The following ZNF69 variants were observed in gnomAD, a reference collection of about 807,000 sequenced individuals.
The protein encoded by ZNF69 is zinc finger protein 69, also known as ZNF3.
ZNF69 carries 47 observed loss-of-function variants against 50.9 expected under a neutral mutation model. The observed-to-expected ratio is 0.92, with a 90% CI of 0.73 to 1.18. The LOEUF (loss-of-function observed/expected upper bound fraction) is 1.18. Among genes scored for constraint, ZNF69 ranks in the 50% most tolerant of loss-of-function variants. The pLI is 0.00. For missense variants in ZNF69, 717 were observed against 675.1 expected (o/e 1.06, Z -0.69); for synonymous variants, 216 against 223.1 (o/e 0.97, Z 0.29).
downstream of ZNF69, among the ~76,000 whole-genome samples, chr19:11,917,043 G>C (rs1599269639): frequency 3.9e-5 from 6 of 152,200 alleles, 1 homozygote; most frequent in Admixed American, 3.9e-4. Flanking sequence ...CTTGAGTAAG[G>C]TGTTGTACAG....
At chr19:11,916,592 G>T (rs1030277725), downstream of ZNF69, among the ~76,000 whole-genome samples, 42 of 152,194 alleles carry the variant, frequency 2.8e-4, no homozygotes, top group Non-Finnish European at 4.9e-4. Context: ...TCCAGCCTGG[G>T]CTACAGAACA....
chr19:11,888,211 A>C (rs1344376499), intron 1 of ZNF69, among the ~76,000 whole-genome samples: 1 of 152,226 alleles, frequency 6.6e-6, no homozygotes, highest in East Asian at 1.9e-4. Context: ...CTGCGGTTCC[A>C]GAGCCCTCTA....
rs1972340007 is a variant in ZNF69, at chr19:11,905,205, C to A, written c.808C>A (p.His270Asn). The change falls in exon 4 of 4, where the codon CAC becomes AAC. Residue 270 changes from histidine (H) to asparagine (N), a missense_variant. Transcript: ENST00000429654. The stretch of plus-strand genomic sequence containing the variant: ...TACCCTTCGAATACACGAAAGAACT[C>A]ACACTGGAGAAAAGCCTTATGAATG... ...SATLRIHERT[H>N]TGEKPYECQQ... The A allele has an allele frequency of 2.5e-6, 4 of 1,614,020 alleles. No individual in the cohort carries two copies. Among genetic ancestry groups the A allele is most frequent in the Non-Finnish European group, 8.5e-7 (1 of 1,180,032 alleles).
chr19:11,898,680 C>T (rs541121513), intron 1 of ZNF69, among the ~76,000 whole-genome samples: 13 of 152,200 alleles, frequency 8.5e-5, no homozygotes, highest in East Asian at 7.7e-4. Context: ...TGAGCCACCA[C>T]GCCCAGCATA....
chr19:11,949,352 A>T, the ZNF69 span: 1 of 1,613,826 alleles, frequency 6.2e-7, no homozygotes. Context: ...CACACTGGAG[A>T]GAAACCCTAT....
downstream of ZNF69, among the ~76,000 whole-genome samples, chr19:11,910,961 TAAAC>T (rs1333929719): frequency 6.6e-6 from 1 of 151,958 alleles, no homozygotes; most frequent in Non-Finnish European, 1.5e-5. Flanking sequence ...ACAAAGAACT[TAAAC>T]AAATTTACAA....
the ZNF69 span, chr19:11,979,029 G>A: frequency 6.2e-7 from 1 of 1,614,186 alleles, no homozygotes; most frequent in South Asian, 1.1e-5. Context: ...AAAACCTTAT[G>A]AATGTAAGCA....
At chr19:11,930,393 A>G in the ZNF69 span, among the ~76,000 whole-genome samples, 1 of 148,526 alleles carries the variant, frequency 6.7e-6, no homozygotes, top group East Asian at 1.9e-4. Flanking sequence ...GAACAAATAT[A>G]TGTGAGTTGA....
At chr19:11,979,963 C>G in the ZNF69 span, 2 of 1,234,630 alleles carry the variant, frequency 1.6e-6, no homozygotes, top group Non-Finnish European at 2.4e-6. Flanking sequence ...AAAAATCTTA[C>G]ACTGGAGAGA....
chr19:11,946,981 T>G, the ZNF69 span: 2 of 1,044,376 alleles, frequency 1.9e-6, no homozygotes, highest in Non-Finnish European at 2.6e-6. Context: ...AGAGTGAAAC[T>G]CTGTCTCAAA....
intron 1 of ZNF69, among the ~76,000 whole-genome samples, chr19:11,898,884 G>A (rs1012984384): frequency 3.9e-5 from 6 of 152,180 alleles, no homozygotes; most frequent in African/African-American, 1.4e-4. Flanking sequence ...TTTGTGTAGT[G>A]TATCCTACAA....
At chr19:11,920,975 T>C in the ZNF69 span, among the ~76,000 whole-genome samples, 1 of 152,160 alleles carries the variant, frequency 6.6e-6, no homozygotes, top group Non-Finnish European at 1.5e-5. Flanking sequence ...GTTACAGCTC[T>C]ACCCTCCAAA....
At chr19:11,971,059 G>C in the ZNF69 span, among the ~76,000 whole-genome samples, 12 of 152,316 alleles carry the variant, frequency 7.9e-5, no homozygotes, top group African/African-American at 2.9e-4. Flanking sequence ...CAAAGCTGCA[G>C]TGTATAGTAG....
intron 1 of ZNF69, among the ~76,000 whole-genome samples, chr19:11,892,176 T>A (rs1977109431): frequency 6.7e-6 from 1 of 149,222 alleles, no homozygotes; most frequent in Non-Finnish European, 1.5e-5. Context: ...GGTGGCATCT[T>A]GATATGTTGC....
chr19:11,925,849 A>G, the ZNF69 span, among the ~76,000 whole-genome samples: 2 of 152,244 alleles, frequency 1.3e-5, no homozygotes, highest in African/African-American at 4.8e-5. Context: ...CACAACCCCA[A>G]GCAGCCTGGA....
chr19:11,922,555 C>T, the ZNF69 span, among the ~76,000 whole-genome samples: 2 of 152,194 alleles, frequency 1.3e-5, no homozygotes, highest in Non-Finnish European at 2.9e-5. Context: ...ATGATTAATG[C>T]TGAAGGTTCT....
the ZNF69 span, among the ~76,000 whole-genome samples, chr19:11,923,424 C>T: frequency 2.0e-5 from 3 of 152,194 alleles, no homozygotes; most frequent in Non-Finnish European, 4.4e-5. Flanking sequence ...GGAAGCCACC[C>T]GACTCTCTCC....
At chr19:11,964,427 G>C in the ZNF69 span, among the ~76,000 whole-genome samples, 1 of 152,190 alleles carries the variant, frequency 6.6e-6, no homozygotes, top group Non-Finnish European at 1.5e-5. Flanking sequence ...TTGTTTGGGG[G>C]CGACACCTGG....
exon 5 of ZNF69, chr19:11,913,956 T>A (rs1245631108): frequency 6.6e-6 from 1 of 152,216 alleles, no homozygotes; most frequent in Non-Finnish European, 1.5e-5. Context: ...CAAAATGCCC[T>A]TAGTTTTATC....
Sources: allele counts gnomAD v4.1 joint callset (sites outside exome capture counted in the v4.1 genomes callset), GRCh38; gene constraint gnomAD v4.1.1; transcripts MANE v1.5; gene names NCBI Gene and HGNC (gene_info 2026-07-23, HGNC 2026-07-21).